TPSG1: variants seen among roughly 807,000 people sequenced by gnomAD.
TPSG1 encodes tryptase gamma 1, also known as tryptase gamma.
A neutral mutation model predicts 23.8 loss-of-function variants in TPSG1; 43 were observed. That is an observed-to-expected ratio of 1.81 (90% CI 1.42 to 2.33). The LOEUF (loss-of-function observed/expected upper bound fraction) is 2.33. Ranked by LOEUF, TPSG1 falls within the 30% of genes most tolerant of loss-of-function variation. The probability of loss-of-function intolerance (pLI) is 0.00; values close to 1 mark genes in which losing one functional copy is unlikely to be tolerated. For missense variants in TPSG1, 623 were observed against 438.6 expected, an observed-to-expected ratio of 1.42 and a Z score of -3.75; for synonymous variants, 302 against 201.3, an observed-to-expected ratio of 1.50 and a Z score of -4.23.
At chr16:1,224,693 G>C (rs2030053263) in intron 1 of TPSG1, 65 bp from the exon 2 acceptor site, 3 of 1,608,570 alleles carry the variant, frequency 1.9e-6, no homozygotes, top group Middle Eastern at 1.7e-4. Flanking sequence ...GCGGGCTCCA[G>C]AGGCCCCTGC....
At chr16:1,222,130 G>A (rs1970523602) in intron 5 of TPSG1, 34 bp from the exon 6 acceptor site, 3 of 1,612,248 alleles carry the variant, frequency 1.9e-6, no homozygotes. Context: ...TGGGAGCCGA[G>A]AAGATGGGGA....
Position 1,224,602 on chromosome 16 carries a change from C to T in TPSG1, c.73G>A (p.Gly25Arg), listed in dbSNP as rs112810930. The change falls in exon 2 of 6, where the codon GGG becomes AGG. Residue 25 changes from glycine to arginine, a missense_variant and splice_region_variant. Physicochemically the swap from Gly to Arg is moderately radical, Grantham distance 125. Transcript: ENST00000234798. ...CACCCCACACCTGTCAGAGACGTAC[C>T]TGGCTGCAAAGTCCTGAGGGACACA... ...PGVSLRTLQP[G>R]CGRPQVSDAG... is the part of the protein sequence containing the mutation. 3.7e-6 allele frequency: 6 copies of T among 1,613,906 alleles called. No homozygotes were observed. The African/African-American group carries it at 5.3e-5, about 14-fold the overall frequency.
In TPSG1 at chr16:1,222,647, C is replaced by T. The variant is rs747413583; in HGVS notation, c.511+5G>A. On this transcript the variant is annotated splice_donor_5th_base_variant and intron_variant, in intron 4 of 5. Transcript: ENST00000234798. ...CATCCCAGCATCCCCACGGGGGCTC[C>T]TCACCTCCCTCCCGCGTATAGCCCC... The T allele has an allele frequency of 7.8e-6, 12 of 1,539,756 alleles. No individual in the cohort carries two copies. The highest frequency in any genetic ancestry group is 1.2e-5 in the South Asian group (1 of 80,052).
chr16:1,222,415 C>G (rs989250231), intron 4 of TPSG1, 74 bp from the exon 5 acceptor site: 5 of 1,372,910 alleles, frequency 3.6e-6, no homozygotes, highest in Non-Finnish European at 5.0e-6. Context: ...GAGACCTTGC[C>G]AGACACAAGT....
chr16:1,224,015 G>T (rs1267227211), intron 2 of TPSG1: 1 of 254,022 alleles, frequency 3.9e-6, no homozygotes, highest in Non-Finnish European at 7.4e-6. Flanking sequence ...GCGGGGGGCA[G>T]ACAGCACTGT....
In TPSG1 at chr16:1,221,765, G is replaced by A. The variant is rs888106399; in HGVS notation, c.*23C>T. The A allele has an allele frequency of 5.1e-6, 8 of 1,579,478 alleles. No individual in the cohort carries two copies. Among genetic ancestry groups the A allele is most frequent in the Non-Finnish European group, 6.0e-6 (7 of 1,161,818 alleles). ...GCGGAATAAATAGTAACTTATTTAA[G>A]AAATGCACTTGGATTCCTGCCATCA... On this transcript the variant is annotated 3_prime_UTR_variant, in exon 6 of 6. Transcript: ENST00000234798.
Position 1,222,684 on chromosome 16 carries a change from C to G in TPSG1, c.479G>C (p.Trp160Ser), listed in dbSNP as rs4984638. The G allele has an allele frequency of 0.18, 288,991 of 1,585,638 alleles. 27,868 individuals carry two copies. Among genetic ancestry groups the G allele is most frequent in the Non-Finnish European group, 0.2 (228,456 of 1,159,884 alleles). ...CCGCGTATAGCCCCAGCCGGTCACC[C>G]AGCACCGGATCCCAGGGCAGAAGTC... ...SDDFCPGIRC[W>S]VTGWGYTREG... Residue 160 changes from tryptophan (W) to serine (S), a missense_variant, in exon 4 of 6, where the codon TGG becomes TCG. Trp to Ser is a radical substitution (Grantham distance 177). Coordinates refer to ENST00000234798, the MANE Select transcript of TPSG1 (RefSeq NM_012467.4).
Position 1,225,220 on chromosome 16 carries a change from G to T in TPSG1, c.33C>A (p.Leu11=). The change falls in exon 1 of 6, where the codon CTC becomes CTA. Residue 11 remains leucine, a synonymous_variant. Coordinates refer to ENST00000234798, the MANE Select transcript of TPSG1 (RefSeq NM_012467.4). ...CAGGTCACCCACCGGGCACAGCCAG[G>T]AGCAGCAGGAGGCCACAGGCCCCAA... MALGACGLLL[L]LAVPGVSLRT... is the part of the protein sequence containing the mutation. 1 of 1,578,894 alleles carries T rather than the reference G, an allele frequency of 6.3e-7. No homozygotes were observed. The highest frequency in any genetic ancestry group is 8.6e-7 in the Non-Finnish European group (1 of 1,162,644).
rs780317781 is a variant in TPSG1 at position 1,224,623 on chromosome 16, A to C, written c.52T>G (p.Ser18Ala). 1.1e-5 allele frequency: 17 copies of C among 1,613,670 alleles called. 1 individual carries two copies. Among genetic ancestry groups the C allele is most frequent in the Admixed American group, 3.3e-5 (2 of 59,998 alleles). ...GTACCTGGCTGCAAAGTCCTGAGGG[A>C]CACACCTGTGGGAAAGACGAAGGGC... is the stretch of plus-strand genomic sequence containing the variant. ...LLLLLAVPGV[S>A]LRTLQPGCGR... Residue 18 changes from serine (S) to alanine (A), a missense_variant, in exon 2 of 6, where the codon TCC (serine) becomes GCC (alanine). Transcript: ENST00000234798.
intron 3 of TPSG1, among the ~76,000 whole-genome samples, chr16:1,223,151 G>T (rs574800076): frequency 6.6e-6 from 1 of 152,344 alleles, no homozygotes; most frequent in South Asian, 2.1e-4. Flanking sequence ...CACCAGCAGG[G>T]GCTGGTCAGG....
rs188506278 is a variant in TPSG1, at chr16:1,221,694, T to C, written c.*94A>G. ...AAATTCAGGTTAAATGTTGCAATAA[T>C]CTGATGCAGAAGACTCAGCTTCTCA... is the stretch of plus-strand genomic sequence containing the variant. On this transcript the variant is annotated 3_prime_UTR_variant, in exon 6 of 6. Transcript: ENST00000234798. 760 of 1,241,876 alleles carry C rather than the reference T, an allele frequency of 6.1e-4. 4 individuals carry two copies. The African/African-American group carries it at 0.011, about 18-fold the overall frequency. 76.9% of individuals were successfully genotyped at this position (1,241,876 alleles called of 1,614,324 possible). A position where few individuals can be genotyped will look rare whatever the true frequency, so the allele number is the denominator to read the frequency against.
At chr16:1,222,976 G>T in intron 3 of TPSG1, 59 bp from the exon 4 acceptor site, 5 of 1,521,880 alleles carry the variant, frequency 3.3e-6, no homozygotes, top group Non-Finnish European at 4.4e-6. Context: ...GGTCAGTGTC[G>T]GCCCCGCCCA....
chr16:1,222,761 G>A lies in TPSG1; in HGVS notation c.402C>T (p.Pro134=), dbSNP rs573068241. ...GDIALVELSV[P]VTLSSRILPV... ...GCAGGATCCGGCTGGAGAGGGTCAC[G>A]GGGACACTGAGCTCCACCAGGGCGA... The change falls in exon 4 of 6, where the codon CCC becomes CCT. Residue 134 remains proline (P), a synonymous_variant. Coordinates refer to ENST00000234798, the MANE Select transcript of TPSG1 (RefSeq NM_012467.4). 2.9e-5 allele frequency: 46 copies of A among 1,612,292 alleles called. No individual in the cohort carries two copies. Among genetic ancestry groups the A allele is most frequent in the African/African-American group, 1.2e-4 (9 of 75,026 alleles).
chr16:1,223,702 C>T lies in TPSG1; in HGVS notation c.74-108G>A, dbSNP rs566981478. ...CCTCCCTGCCTTCTTGGGGACTTTG[C>T]TCTTCAGCTCTCTCGTCTGCCAGAC... On this transcript the variant is annotated intron_variant, in intron 2 of 5. Transcript: ENST00000234798. 61 of 1,285,950 alleles carry T rather than the reference C, an allele frequency of 4.7e-5. No individual in the cohort carries two copies. The Middle Eastern group carries it at 1.7e-3, about 36-fold the overall frequency. 79.7% of individuals were successfully genotyped at this position (1,285,950 alleles called of 1,614,324 possible). A position where few individuals can be genotyped will look rare whatever the true frequency, so the allele number is the denominator to read the frequency against.
intron 5 of TPSG1, 31 bp downstream of exon 5, chr16:1,222,165 C>A (rs1970526499): frequency 6.2e-7 from 1 of 1,611,694 alleles, no homozygotes; most frequent in Admixed American, 1.7e-5. Context: ...TTCAGCCGCC[C>A]CCATCCTCTG....
chr16:1,223,575 A>T lies in TPSG1; in HGVS notation c.93T>A (p.Val31=). The stretch of plus-strand genomic sequence containing the variant: ...CCACGATCCGGCCGCCTGCATCCGA[A>T]ACCTGCGGCCGGCCACACCCTAAGT... ...TLQPGCGRPQ[V]SDAGGRIVGG... The change falls in exon 3 of 6, where the codon GTT becomes GTA. Residue 31 remains valine (V), a synonymous_variant. Coordinates refer to ENST00000234798, the MANE Select transcript of TPSG1 (RefSeq NM_012467.4). 2 of 1,542,638 alleles carry T rather than the reference A, an allele frequency of 1.3e-6. No homozygotes were observed. The highest frequency in any genetic ancestry group is 2.4e-5 in the South Asian group (2 of 83,876).
In TPSG1 at chr16:1,222,030, A is replaced by G. The variant is rs1283670580; in HGVS notation, c.724T>C (p.Trp242Arg). 2 of 1,612,748 alleles carry G rather than the reference A, an allele frequency of 1.2e-6. No individual in the cohort carries two copies. Among genetic ancestry groups the G allele is most frequent in the Admixed American group, 1.7e-5 (1 of 60,012 alleles). The change falls in exon 6 of 6, where the codon TGG (tryptophan) becomes CGG (arginine). Residue 242 changes from tryptophan (W) to arginine (R), a missense_variant. Physicochemically the swap from Trp to Arg is moderately radical, Grantham distance 101. Transcript: ENST00000234798. Reference protein sequence around the residue: ...GAWVQAGTVSWGEGCGRPNRP... With the variant: ...GAWVQAGTVSRGEGCGRPNRP... The stretch of plus-strand genomic sequence containing the variant: ...TTGGGGCGGCCGCAGCCCTCACCCC[A>G]GCTCACAGTGCCAGCCTGCACCCAG...
Position 1,222,901 on chromosome 16 carries a change from C to A in TPSG1, c.262G>T (p.Asp88Tyr). Residue 88 changes from aspartate (D) to tyrosine (Y), a missense_variant, in exon 4 of 6, where the codon GAC becomes TAC. Physicochemically the swap from Asp to Tyr is radical, Grantham distance 160. Transcript: ENST00000234798. ...AGTTCCCCCAGGTGCACCTGGTAGTCGGATGAGTTCAGGGACCTGGGAGGG... is the reference window on the plus strand; with the variant it reads ...AGTTCCCCCAGGTGCACCTGGTAGTAGGATGAGTTCAGGGACCTGGGAGGG... ...HCFSGSLNSS[D>Y]YQVHLGELEI... 1 of 1,606,790 alleles carries A rather than the reference C, an allele frequency of 6.2e-7. No homozygotes were observed. Among genetic ancestry groups the A allele is most frequent in the East Asian group, 2.2e-5 (1 of 44,736 alleles).
intron 2 of TPSG1, chr16:1,224,259 T>G (rs1596487827): frequency 3.5e-6 from 1 of 289,376 alleles, no homozygotes; most frequent in South Asian, 4.7e-5. Context: ...AGGCAGCGGG[T>G]GTGGGGTGGG....
Sources: allele counts gnomAD v4.1 joint callset (sites outside exome capture counted in the v4.1 genomes callset), GRCh38; gene constraint gnomAD v4.1.1; transcripts MANE v1.5; gene names NCBI Gene and HGNC (gene_info 2026-07-23, HGNC 2026-07-21).